IFT80: variants seen among roughly 807,000 people sequenced by gnomAD.
IFT80 encodes the protein intraflagellar transport protein 80 homolog.
In IFT80, 79 loss-of-function variants were observed where a neutral mutation model predicts 107.9. The observed-to-expected ratio is 0.73, with a 90% CI of 0.61 to 0.88. The LOEUF is 0.88. IFT80 is among the 40% of genes least tolerant of loss of function. IFT80 has a pLI of 0.00. For synonymous variants in IFT80, 299 were observed against 300.9 expected (o/e 0.99, Z 0.07); for missense variants, 797 against 914.2 (o/e 0.87, Z 1.65).
chr3:160,344,945 T>A (rs1428499725), intron 8 of IFT80, among the ~76,000 whole-genome samples: 2 of 152,110 alleles, frequency 1.3e-5, no homozygotes, highest in African/African-American at 4.8e-5. Flanking sequence ...CAATAACAAA[T>A]GCTGGTGAGG....
rs1714490895 is a variant in IFT80, at chr3:160,279,103, A to G, written c.1836+90T>C. On this transcript the variant is annotated intron_variant, in intron 16 of 19. Coordinates refer to ENST00000326448, the MANE Select transcript of IFT80 (RefSeq NM_020800.3). ...ACATGATCTTATTCACAATTTTTCC[A>G]GCCTTTAAGCCTATTATCATTACTC... 6.8e-6 allele frequency: 7 copies of G among 1,024,206 alleles called. No individual in the cohort carries two copies. The South Asian group carries it at 8.6e-5, about 13-fold the overall frequency. 63.4% of individuals were successfully genotyped at this position (1,024,206 alleles called of 1,614,324 possible). A position where few individuals can be genotyped will look rare whatever the true frequency, so the allele number is the denominator to read the frequency against.
chr3:160,318,022 AAC>A (rs1182078356), intron 9 of IFT80, among the ~76,000 whole-genome samples: 1 of 151,340 alleles, frequency 6.6e-6, no homozygotes, highest in Non-Finnish European at 1.5e-5. Flanking sequence ...GTTATATTAA[AAC>A]AGAGTCCTTA....
At chr3:160,281,965 C>G (rs554250216) in intron 14 of IFT80, among the ~76,000 whole-genome samples, 1 of 152,300 alleles carries the variant, frequency 6.6e-6, no homozygotes, top group African/African-American at 2.4e-5. Flanking sequence ...TACTTTATTT[C>G]CTTTCTTTCC....
chr3:160,361,806 T>C (rs946604413), intron 6 of IFT80, among the ~76,000 whole-genome samples: 4 of 152,098 alleles, frequency 2.6e-5, no homozygotes, highest in African/African-American at 9.7e-5. Flanking sequence ...AAGGCAGAAA[T>C]AAAGATGTTC....
At chr3:160,297,490 T>C (rs1716074607) in intron 12 of IFT80, among the ~76,000 whole-genome samples, 2 of 152,122 alleles carry the variant, frequency 1.3e-5, no homozygotes, top group Admixed American at 6.6e-5. Flanking sequence ...TGAAATTTAA[T>C]TCCAGAGGAT....
chr3:160,348,261 T>C (rs998874144), intron 8 of IFT80, among the ~76,000 whole-genome samples: 4 of 152,228 alleles, frequency 2.6e-5, no homozygotes, highest in Non-Finnish European at 5.9e-5. Context: ...ATTCAAACGG[T>C]AGCTTTCCCA....
intron 6 of IFT80, among the ~76,000 whole-genome samples, chr3:160,358,590 C>T (rs886782505): frequency 2.6e-5 from 4 of 150,958 alleles, no homozygotes; most frequent in African/African-American, 9.7e-5. Flanking sequence ...ATATGAAAAT[C>T]GTTAAGTTCT....
chr3:160,280,807 C>G lies in IFT80; in HGVS notation c.1524G>C (p.Met508Ile). ...KEEQIIKLGT[M>I]VHTLAWNDTC... is the part of the protein sequence containing the mutation. ...TATCGTTCCATGCCAAAGTATGCAC[C>G]ATTGTTCCTTAATTTAAAAAGAATG... The change falls in exon 15 of 20, where the codon ATG becomes ATC. Residue 508 changes from methionine to isoleucine, a missense_variant. Met to Ile is a conservative substitution (Grantham distance 10). Transcript: ENST00000326448. The G allele has an allele frequency of 6.2e-7, 1 of 1,612,496 alleles. No homozygotes were observed. Among genetic ancestry groups the G allele is most frequent in the Non-Finnish European group, 8.5e-7 (1 of 1,179,054 alleles).
chr3:160,366,276 A>C, intron 5 of IFT80, 124 bp from the exon 6 acceptor site: 1 of 706,408 alleles, frequency 1.4e-6, no homozygotes. Context: ...TTCTCTTTTC[A>C]ATGGACCTTT....
chr3:160,339,845 A>G (rs963142129), intron 8 of IFT80, among the ~76,000 whole-genome samples: 3 of 152,212 alleles, frequency 2.0e-5, no homozygotes, highest in African/African-American at 7.2e-5. Context: ...ATAACAATCA[A>G]TTGCTGTTAG....
At chr3:160,369,410 A>G (rs1375368317) in intron 5 of IFT80, among the ~76,000 whole-genome samples, 1 of 151,984 alleles carries the variant, frequency 6.6e-6, no homozygotes, top group Non-Finnish European at 1.5e-5. Flanking sequence ...GATCTTTATT[A>G]TAATCATTCC....
intron 8 of IFT80, among the ~76,000 whole-genome samples, chr3:160,322,038 A>ATTT (rs1272568654): frequency 2.8e-4 from 37 of 134,308 alleles, no homozygotes; most frequent in South Asian, 7.0e-4. Flanking sequence ...TTATTTATTT[A>ATTT]TTTATTATTA....
At chr3:160,365,029 C>A (rs1721772377) in intron 6 of IFT80, among the ~76,000 whole-genome samples, 1 of 150,942 alleles carries the variant, frequency 6.6e-6, no homozygotes, top group Non-Finnish European at 1.5e-5. Context: ...AAAACAAATT[C>A]ACATAACTAT....
At chr3:160,286,729 C>T (rs535306806) in intron 12 of IFT80, among the ~76,000 whole-genome samples, 1 of 152,098 alleles carries the variant, frequency 6.6e-6, no homozygotes, top group Non-Finnish European at 1.5e-5. Context: ...CCATCATATT[C>T]CGCAAAGGAA....
At chr3:160,287,439 G>A (rs1715176751) in intron 12 of IFT80, among the ~76,000 whole-genome samples, 1 of 152,156 alleles carries the variant, frequency 6.6e-6, no homozygotes, top group South Asian at 2.1e-4. Context: ...TCCGGGTAGT[G>A]TAGAAATGAA....
At chr3:160,303,102 C>G (rs994124773) in intron 11 of IFT80, among the ~76,000 whole-genome samples, 3 of 152,124 alleles carry the variant, frequency 2.0e-5, no homozygotes, top group African/African-American at 7.2e-5. Flanking sequence ...TGATAATAAA[C>G]ACTATTAAGA....
chr3:160,325,901 C>G (rs1237062171), intron 8 of IFT80, among the ~76,000 whole-genome samples: 3 of 151,866 alleles, frequency 2.0e-5, no homozygotes, highest in Admixed American at 2.0e-4. Context: ...AGTATTTTGG[C>G]TTTTGAATTT....
chr3:160,351,975 A>G (rs1028088238), intron 8 of IFT80, among the ~76,000 whole-genome samples: 5 of 152,084 alleles, frequency 3.3e-5, no homozygotes, highest in Admixed American at 2.6e-4. Flanking sequence ...TATACTATCA[A>G]CATTTTTGCT....
intron 8 of IFT80, among the ~76,000 whole-genome samples, chr3:160,322,356 G>C (rs915009909): frequency 2.0e-5 from 3 of 151,732 alleles, no homozygotes; most frequent in African/African-American, 7.3e-5. Flanking sequence ...CCCTACAAAG[G>C]ACATGAACTC....
Sources: gnomAD v4.1 joint callset for allele counts (sites outside exome capture counted in the v4.1 genomes callset) on GRCh38, gnomAD v4.1.1 for gene constraint, MANE v1.5 for transcripts, NCBI Gene and HGNC (gene_info 2026-07-23, HGNC 2026-07-21) for gene names.